Variants in AGBL4 observed in about 807,000 individuals in gnomAD.
The protein encoded by AGBL4 is cytosolic carboxypeptidase 6.
AGBL4 carries 58 observed loss-of-function variants against 66.4 expected under a neutral mutation model. That is an observed-to-expected ratio of 0.87 (90% CI 0.71 to 1.09). The LOEUF (loss-of-function observed/expected upper bound fraction) is 1.09, where lower values mean the gene tolerates loss of function less well. AGBL4 is among the 50% of genes least tolerant of loss of function. The pLI, the probability that AGBL4 is intolerant of heterozygous loss-of-function variation, is 0.00. For synonymous variants in AGBL4, 234 were observed against 222.9 expected (o/e 1.05, Z -0.44); for missense variants, 579 against 631.0 (o/e 0.92, Z 0.88).
intron 3 of AGBL4, among the ~76,000 whole-genome samples, chr1:49,589,041 G>A (rs1644705151): frequency 6.6e-6 from 1 of 152,116 alleles, no homozygotes; most frequent in Non-Finnish European, 1.5e-5. Context: ...AGTCCTGGAA[G>A]GAGTTGTATG....
At chr1:49,070,105 A>T (rs1459943407) in intron 4 of AGBL4, among the ~76,000 whole-genome samples, 2 of 151,896 alleles carry the variant, frequency 1.3e-5, no homozygotes, top group Non-Finnish European at 2.9e-5. Flanking sequence ...TTTCCTGAAG[A>T]TGTTTATCAG....
chr1:49,011,167 C>G (rs1396970645), intron 5 of AGBL4, among the ~76,000 whole-genome samples: 5 of 151,452 alleles, frequency 3.3e-5, no homozygotes, highest in Admixed American at 3.3e-4. Context: ...CTACAATGAA[C>G]TCAAACAAAT....
intron 1 of AGBL4, among the ~76,000 whole-genome samples, chr1:49,936,655 A>G (rs1654070325): frequency 6.6e-6 from 1 of 152,226 alleles, no homozygotes; most frequent in Non-Finnish European, 1.5e-5. Context: ...GAAACTCTAC[A>G]AGCCAGAAGA....
intron 2 of AGBL4, among the ~76,000 whole-genome samples, chr1:49,723,807 T>G (rs1648794677): frequency 6.6e-6 from 1 of 152,142 alleles, no homozygotes; most frequent in Non-Finnish European, 1.5e-5. Flanking sequence ...CACCAACCCA[T>G]GTAACTTTGG....
chr1:49,989,654 C>A (rs12725018), intron 1 of AGBL4, among the ~76,000 whole-genome samples: 48,136 of 151,984 alleles, frequency 0.32, 8,398 homozygotes, highest in East Asian at 0.73. Flanking sequence ...CAGAAATTCT[C>A]CTTTGTTTTA....
In AGBL4 at chr1:49,107,694, TGAGAGAGAGA is replaced by T. The variant is rs56321932; in HGVS notation, c.378-61904_378-61895del. 3.2e-3 allele frequency among the ~76,000 whole-genome samples: 366 copies of T among 113,894 alleles called. 1 individual carries two copies. The highest frequency in any genetic ancestry group is 0.017 in the South Asian group (59 of 3,402). 74.7% of individuals were successfully genotyped at this position (113,894 alleles called of 152,430 possible). A position where few individuals can be genotyped will look rare whatever the true frequency, so the allele number is the denominator to read the frequency against. Reference sequence around the variant, plus strand: ...GTGTATGTGTGTGTGTGTGTGTGTGTGAGAGAGAGAGAGAGAGAGAGAGAGAGAGAGAGAG... The same window carrying T: ...GTGTATGTGTGTGTGTGTGTGTGTGTGAGAGAGAGAGAGAGAGAGAGAGAG... On this transcript the variant is annotated intron_variant, in intron 4 of 13. Coordinates refer to ENST00000371839, the MANE Select transcript of AGBL4 (RefSeq NM_032785.4).
At chr1:49,209,209 T>C (rs1648480870) in intron 4 of AGBL4, among the ~76,000 whole-genome samples, 1 of 152,142 alleles carries the variant, frequency 6.6e-6, no homozygotes, top group African/African-American at 2.4e-5. Context: ...TATCATCTCA[T>C]TTCACATAAA....
At chr1:49,107,694 TGAGAGAGA>T (rs56321932) in intron 4 of AGBL4, among the ~76,000 whole-genome samples, 41,661 of 113,616 alleles carry the variant, frequency 0.37, 7,475 homozygotes, top group Middle Eastern at 0.49. Flanking sequence ...TGTGTGTGTG[TGAGAGAGA>T]GAGAGAGAGA....
chr1:48,571,562 C>G (rs985392312), intron 11 of AGBL4, among the ~76,000 whole-genome samples: 50 of 152,352 alleles, frequency 3.3e-4, no homozygotes, highest in African/African-American at 1.2e-3. Flanking sequence ...TGAAGGAATG[C>G]TCTTGAAGCC....
chr1:49,017,175 G>A (rs751826959), intron 5 of AGBL4, among the ~76,000 whole-genome samples: 42 of 152,286 alleles, frequency 2.8e-4, no homozygotes, highest in Admixed American at 1.4e-3. Context: ...AAAAATGCAC[G>A]CATGTACTAG....
intron 11 of AGBL4, among the ~76,000 whole-genome samples, chr1:48,564,184 C>T (rs572404517): frequency 1.3e-5 from 2 of 152,228 alleles, no homozygotes; most frequent in South Asian, 4.2e-4. Flanking sequence ...GTTACTGCAG[C>T]AGCCTCTGGT....
At chr1:48,771,072 T>C (rs1284295648) in intron 6 of AGBL4, among the ~76,000 whole-genome samples, 1 of 152,204 alleles carries the variant, frequency 6.6e-6, no homozygotes, top group Non-Finnish European at 1.5e-5. Context: ...AGGTGAGTAT[T>C]TATAACATAT....
chr1:48,671,022 C>T (rs1646268439), intron 6 of AGBL4, among the ~76,000 whole-genome samples: 1 of 152,232 alleles, frequency 6.6e-6, no homozygotes, highest in African/African-American at 2.4e-5. Flanking sequence ...GGGGCTGGCC[C>T]TGTGTCCTGA....
rs370662293 is a variant in AGBL4 at position 48,980,297 on chromosome 1, G to T, written c.594+65287C>A. On this transcript the variant is annotated intron_variant, in intron 5 of 13. Transcript: ENST00000371839. The stretch of plus-strand genomic sequence containing the variant: ...AAGAGCTGTGAGAGCATTTAGTACA[G>T]GTCCTGAATGAACACCTCCCTCAGA... 5.9e-5 allele frequency among the ~76,000 whole-genome samples: 9 copies of T among 152,114 alleles called. No homozygotes were observed. In the East Asian group the frequency reaches 7.7e-4, roughly 13 times the overall value.
chr1:49,948,323 T>C (rs1358708475), intron 1 of AGBL4, among the ~76,000 whole-genome samples: 1 of 110,612 alleles, frequency 9.0e-6, no homozygotes, highest in Non-Finnish European at 1.7e-5. Context: ...TATATAAATA[T>C]ATAAACATAT....
chr1:49,955,501 C>T (rs1223128466), intron 1 of AGBL4, among the ~76,000 whole-genome samples: 1 of 151,822 alleles, frequency 6.6e-6, no homozygotes. Context: ...AGCAAGGGTC[C>T]CAATACTATA....
intron 2 of AGBL4, among the ~76,000 whole-genome samples, chr1:49,835,044 T>G (rs1308827772): frequency 2.0e-5 from 3 of 152,192 alleles, no homozygotes; most frequent in African/African-American, 7.2e-5. Flanking sequence ...AGAATGTATA[T>G]TCTATTGATT....
chr1:49,682,787 T>C (rs1021996609), intron 3 of AGBL4, among the ~76,000 whole-genome samples: 7 of 152,230 alleles, frequency 4.6e-5, no homozygotes, highest in African/African-American at 2.4e-5. Context: ...CATTTTTCAC[T>C]GGGCTTCGCA....
chr1:49,647,531 C>G (rs568233400), intron 3 of AGBL4, among the ~76,000 whole-genome samples: 1 of 152,138 alleles, frequency 6.6e-6, no homozygotes, highest in South Asian at 2.1e-4. Flanking sequence ...TATGGGGCAC[C>G]CACAGTTTTG....
Sources: gnomAD v4.1 joint callset for allele counts (sites outside exome capture counted in the v4.1 genomes callset) on GRCh38, gnomAD v4.1.1 for gene constraint, MANE v1.5 for transcripts, NCBI Gene and HGNC (gene_info 2026-07-23, HGNC 2026-07-21) for gene names.